The following THSD7B variants were observed in gnomAD, a reference collection of about 807,000 sequenced individuals.
The protein encoded by THSD7B is thrombospondin type 1 domain containing 7B.
In THSD7B, 138 loss-of-function variants were observed where a neutral mutation model predicts 213.6. The ratio of observed to expected loss-of-function variants is 0.65; its 90% CI spans 0.56 to 0.74. The LOEUF (loss-of-function observed/expected upper bound fraction) is 0.74. THSD7B is among the 30% of genes least tolerant of loss of function. THSD7B has a pLI of 0.00. For synonymous variants in THSD7B, 742 were observed against 687.0 expected, an observed-to-expected ratio of 1.08 and a Z score of -1.25; for missense variants, 1,931 against 1,991.5, an observed-to-expected ratio of 0.97 and a Z score of 0.58.
At chr2:137,573,976 A>G (rs1435102316) in intron 17 of THSD7B, among the ~76,000 whole-genome samples, 4 of 152,118 alleles carry the variant, frequency 2.6e-5, no homozygotes, top group African/African-American at 9.7e-5. Flanking sequence ...CTGTGTGATT[A>G]TTCCATGAGT....
chr2:136,994,852 A>T (rs1018425942), intron 2 of THSD7B, among the ~76,000 whole-genome samples: 30 of 152,166 alleles, frequency 2.0e-4, no homozygotes, highest in African/African-American at 7.2e-4. Context: ...AGTGAATATG[A>T]TCTACATTTT....
chr2:137,134,071 A>G (rs1206089917), intron 5 of THSD7B, among the ~76,000 whole-genome samples: 2 of 152,210 alleles, frequency 1.3e-5, no homozygotes, highest in Admixed American at 1.3e-4. Flanking sequence ...TAAGTGCTAT[A>G]TAAATGCTTC....
intron 15 of THSD7B, among the ~76,000 whole-genome samples, chr2:137,551,038 C>T (rs957368236): frequency 6.6e-6 from 1 of 151,316 alleles, no homozygotes; most frequent in East Asian, 1.9e-4. Flanking sequence ...AAAAAAGCAA[C>T]CGAATCATTG....
At chr2:137,170,972 T>A (rs755180821) in intron 7 of THSD7B, 34 bp downstream of exon 7, 7 of 1,606,290 alleles carry the variant, frequency 4.4e-6, no homozygotes, top group Non-Finnish European at 6.0e-6. Context: ...GGTGTTAGGA[T>A]GTTAAGTATC....
chr2:137,209,008 T>C (rs186316722), intron 7 of THSD7B, among the ~76,000 whole-genome samples: 17 of 152,154 alleles, frequency 1.1e-4, no homozygotes, highest in African/African-American at 3.9e-4. Flanking sequence ...GTAGACATCA[T>C]TAGTTTTACA....
chr2:137,655,168 G>T (rs1446378486), intron 21 of THSD7B, among the ~76,000 whole-genome samples: 2 of 152,156 alleles, frequency 1.3e-5, no homozygotes, highest in African/African-American at 4.8e-5. Flanking sequence ...GTTCTCATTG[G>T]TGATTACAGA....
intron 5 of THSD7B, among the ~76,000 whole-genome samples, chr2:137,135,162 C>A (rs1679413644): frequency 6.6e-6 from 1 of 152,092 alleles, no homozygotes; most frequent in South Asian, 2.1e-4. Flanking sequence ...GCCATTCTAA[C>A]CCTTATATCT....
chr2:137,375,296 A>G (rs1292308996), intron 12 of THSD7B, among the ~76,000 whole-genome samples: 1 of 152,100 alleles, frequency 6.6e-6, no homozygotes, highest in Non-Finnish European at 1.5e-5. Flanking sequence ...CACTGTACAC[A>G]AAAAACCGGA....
chr2:137,178,313 A>T (rs1680396842), intron 7 of THSD7B, among the ~76,000 whole-genome samples: 1 of 152,092 alleles, frequency 6.6e-6, no homozygotes, highest in Non-Finnish European at 1.5e-5. Flanking sequence ...TTAGGTTTAG[A>T]GGAGAGAATT....
At chr2:137,310,301 T>C (rs1315478623) in intron 12 of THSD7B, among the ~76,000 whole-genome samples, 1 of 150,048 alleles carries the variant, frequency 6.7e-6, no homozygotes, top group Admixed American at 6.6e-5. Context: ...ATAAATGTCT[T>C]CTTTTGAGAA....
At position 137,165,915 on chromosome 2, in the gene THSD7B, T is replaced by C. The variant is rs115493439; in HGVS notation, c.1526-4826T>C. Among the ~76,000 whole-genome samples, 391 of 152,176 alleles carry C rather than the reference T, an allele frequency of 2.6e-3. 1 individual carries two copies. The highest frequency in any genetic ancestry group is 9.2e-3 in the African/African-American group (381 of 41,520). On this transcript the variant is annotated intron_variant, in intron 6 of 27. Transcript: ENST00000409968. Reference sequence around the variant, plus strand: ...TCTCCTCTCTAGGCTTTCCTAGTCATCGTGTTATTGCTCTGGTACATTTCC... The same window carrying C: ...TCTCCTCTCTAGGCTTTCCTAGTCACCGTGTTATTGCTCTGGTACATTTCC...
At chr2:137,421,381 C>G (rs1202324855) in intron 14 of THSD7B, among the ~76,000 whole-genome samples, 1 of 152,192 alleles carries the variant, frequency 6.6e-6, no homozygotes, top group Non-Finnish European at 1.5e-5. Context: ...AAAATTCTGA[C>G]CAACTGGCTT....
intron 12 of THSD7B, among the ~76,000 whole-genome samples, chr2:137,306,188 A>G (rs1413843898): frequency 6.6e-6 from 1 of 152,114 alleles, no homozygotes; most frequent in Admixed American, 6.5e-5. Context: ...CACAGTGCAT[A>G]ATACATTGTG....
intron 7 of THSD7B, among the ~76,000 whole-genome samples, chr2:137,220,001 A>G (rs926628268): frequency 2.2e-4 from 33 of 152,216 alleles, no homozygotes; most frequent in African/African-American, 7.5e-4. Context: ...GTTGTATACT[A>G]GGACACACTG....
chr2:136,978,457 A>G (rs1463854715), intron 2 of THSD7B, among the ~76,000 whole-genome samples: 2 of 152,194 alleles, frequency 1.3e-5, no homozygotes, highest in Non-Finnish European at 2.9e-5. Flanking sequence ...AACTTGTTTT[A>G]TGAATCTAGG....
At chr2:136,922,253 C>A (rs893386383) in intron 2 of THSD7B, among the ~76,000 whole-genome samples, 1 of 152,110 alleles carries the variant, frequency 6.6e-6, no homozygotes, top group Non-Finnish European at 1.5e-5. Flanking sequence ...GCATTTATGT[C>A]GAACAGTATT....
chr2:137,086,381 T>A (rs1452231863), intron 3 of THSD7B, among the ~76,000 whole-genome samples: 8 of 151,964 alleles, frequency 5.3e-5, no homozygotes, highest in Admixed American at 3.9e-4. Context: ...AAAAATCTTG[T>A]AGCTATAGGG....
intron 12 of THSD7B, among the ~76,000 whole-genome samples, chr2:137,390,372 T>A (rs1472502562): frequency 1.3e-5 from 2 of 152,196 alleles, no homozygotes; most frequent in Non-Finnish European, 1.5e-5. Flanking sequence ...GCTACTGATT[T>A]CTGTATATGG....
chr2:136,881,601 A>G (rs999849), intron 1 of THSD7B, among the ~76,000 whole-genome samples: 96,565 of 151,578 alleles, frequency 0.64, 32,207 homozygotes, highest in Non-Finnish European at 0.74. Context: ...GATTTTTTGT[A>G]CAGAAGAAAC....
Sources: gnomAD v4.1 joint callset for allele counts (sites outside exome capture counted in the v4.1 genomes callset) on GRCh38, gnomAD v4.1.1 for gene constraint, MANE v1.5 for transcripts, NCBI Gene and HGNC (gene_info 2026-07-23, HGNC 2026-07-21) for gene names.